DENND1A: variants seen among roughly 807,000 people sequenced by gnomAD.
DENND1A encodes DENN domain containing 1A.
Under a neutral mutation model 113.7 loss-of-function variants are expected in DENND1A, and 51 were observed. The observed-to-expected ratio is 0.45, with a 90% CI of 0.36 to 0.57. The LOEUF (loss-of-function observed/expected upper bound fraction) is 0.57, where lower values mean the gene tolerates loss of function less well. Ranked by LOEUF, DENND1A falls within the 20% of genes least tolerant of loss-of-function variation. The pLI is 0.00. For missense variants in DENND1A, 1,258 were observed against 1,395.9 expected, an observed-to-expected ratio of 0.90 and a Z score of 1.57; for synonymous variants, 565 against 570.8, an observed-to-expected ratio of 0.99 and a Z score of 0.14.
chr9:123,440,175 T>C, intron 19 of DENND1A, 185 bp downstream of exon 19: 1 of 711,542 alleles, frequency 1.4e-6, no homozygotes, highest in Admixed American at 3.6e-5. Context: ...CTCCTCAAAA[T>C]TTTTGAAAAT....
chr9:123,546,388 A>G, intron 13 of DENND1A, among the ~76,000 whole-genome samples: 1 of 146,454 alleles, frequency 6.8e-6, no homozygotes. Context: ...CTCTACTAAA[A>G]ATACAAAAAA....
chr9:123,776,066 T>C (rs567518972), intron 3 of DENND1A, among the ~76,000 whole-genome samples: 1 of 152,278 alleles, frequency 6.6e-6, no homozygotes, highest in East Asian at 1.9e-4. Flanking sequence ...AATTAGCACC[T>C]CTACCCACAA....
chr9:123,890,019 T>C (rs1280853972), intron 1 of DENND1A, among the ~76,000 whole-genome samples: 4 of 152,188 alleles, frequency 2.6e-5, no homozygotes, highest in East Asian at 3.8e-4. Flanking sequence ...GTGCAACTTA[T>C]GCCCCTCAGT....
intron 2 of DENND1A, among the ~76,000 whole-genome samples, chr9:123,869,946 C>T (rs1331088321): frequency 6.9e-6 from 1 of 145,280 alleles, no homozygotes; most frequent in Non-Finnish European, 1.5e-5. Context: ...GAACCATGAT[C>T]ACGCCATTGA....
chr9:123,601,206 A>G (rs1165324642), intron 11 of DENND1A, among the ~76,000 whole-genome samples: 1 of 152,214 alleles, frequency 6.6e-6, no homozygotes, highest in African/African-American at 2.4e-5. Flanking sequence ...ATCTCACGTG[A>G]GAATATTTCC....
At chr9:123,409,783 A>T (rs929543361) in intron 20 of DENND1A, among the ~76,000 whole-genome samples, 9 of 152,174 alleles carry the variant, frequency 5.9e-5, no homozygotes, top group African/African-American at 2.2e-4. Context: ...TGTAATATGC[A>T]AAAACCTGTT....
intron 21 of DENND1A, among the ~76,000 whole-genome samples, chr9:123,398,847 T>C (rs955181788): frequency 2.0e-5 from 3 of 148,254 alleles, no homozygotes; most frequent in African/African-American, 7.5e-5. Context: ...CAGGCTGGAG[T>C]GCAATGGTGT....
intron 2 of DENND1A, among the ~76,000 whole-genome samples, chr9:123,854,356 TA>T (rs1843823588): frequency 6.6e-6 from 1 of 152,050 alleles, no homozygotes; most frequent in African/African-American, 2.4e-5. Flanking sequence ...GTCTCAGATT[TA>T]AAAATAAAAT....
intron 1 of DENND1A, among the ~76,000 whole-genome samples, chr9:123,880,347 T>C (rs1243235360): frequency 6.6e-6 from 1 of 152,214 alleles, no homozygotes; most frequent in Non-Finnish European, 1.5e-5. Context: ...ATGTTTATGG[T>C]TAATTCTAGA....
intron 2 of DENND1A, among the ~76,000 whole-genome samples, chr9:123,874,978 G>A (rs1053650657): frequency 6.6e-6 from 1 of 152,138 alleles, no homozygotes; most frequent in Non-Finnish European, 1.5e-5. Flanking sequence ...CAAAAACTGC[G>A]AACAACTTCA....
intron 2 of DENND1A, among the ~76,000 whole-genome samples, chr9:123,815,905 TAC>T (rs1837382453): frequency 6.6e-6 from 1 of 151,256 alleles, no homozygotes; most frequent in Non-Finnish European, 1.5e-5. Flanking sequence ...ACAGAAAACT[TAC>T]AGCTACATGT....
intron 2 of DENND1A, among the ~76,000 whole-genome samples, chr9:123,855,022 A>G (rs999056912): frequency 6.6e-6 from 1 of 151,336 alleles, no homozygotes; most frequent in Non-Finnish European, 1.5e-5. Context: ...ACCATAGGTA[A>G]AACTCCACTC....
chr9:123,878,367 A>G (rs1184743393), intron 2 of DENND1A, among the ~76,000 whole-genome samples: 3 of 152,186 alleles, frequency 2.0e-5, no homozygotes, highest in Non-Finnish European at 2.9e-5. Context: ...TTAAGAAGAA[A>G]TATATGCTGC....
At chr9:123,652,900 G>A (rs935115306) in intron 8 of DENND1A, among the ~76,000 whole-genome samples, 5 of 151,586 alleles carry the variant, frequency 3.3e-5, no homozygotes, top group Admixed American at 6.6e-5. Context: ...TCAGATTTCA[G>A]AAAAAAAATG....
chr9:123,684,551 G>A (rs2064685193), intron 5 of DENND1A, among the ~76,000 whole-genome samples: 1 of 152,184 alleles, frequency 6.6e-6, no homozygotes, highest in African/African-American at 2.4e-5. Flanking sequence ...ATGTGTGCTG[G>A]TCTATGATTC....
intron 1 of DENND1A, among the ~76,000 whole-genome samples, chr9:123,890,533 T>C (rs1281999401): frequency 6.6e-6 from 1 of 152,210 alleles, no homozygotes; most frequent in Non-Finnish European, 1.5e-5. Flanking sequence ...GAAGAGCAGA[T>C]ATTCTGCAGA....
chr9:123,771,596 G>C (rs1292433424), intron 3 of DENND1A, among the ~76,000 whole-genome samples: 6 of 152,120 alleles, frequency 3.9e-5, no homozygotes, highest in Admixed American at 2.0e-4. Flanking sequence ...AGGCCTCAAA[G>C]ATTTTTGAAA....
intron 1 of DENND1A, among the ~76,000 whole-genome samples, chr9:123,909,233 G>C (rs1471916746): frequency 6.6e-6 from 1 of 152,064 alleles, no homozygotes; most frequent in African/African-American, 2.4e-5. Context: ...AGCATTGGCA[G>C]ATATACCTAA....
At chr9:123,479,447 T>C (rs1395193503) in intron 13 of DENND1A, among the ~76,000 whole-genome samples, 1 of 152,242 alleles carries the variant, frequency 6.6e-6, no homozygotes, top group African/African-American at 2.4e-5. Context: ...GGGAAACCTT[T>C]CGGCTTTTCA....
Sources: gnomAD v4.1 joint callset for allele counts (sites outside exome capture counted in the v4.1 genomes callset) on GRCh38, gnomAD v4.1.1 for gene constraint, MANE v1.5 for transcripts, NCBI Gene and HGNC (gene_info 2026-07-23, HGNC 2026-07-21) for gene names.